The following ELOVL6 variants were observed in gnomAD, a reference collection of about 807,000 sequenced individuals.
The protein encoded by ELOVL6 is very long chain fatty acid elongase 6.
Under a neutral mutation model 31.7 loss-of-function variants are expected in ELOVL6, and 8 were observed. That is an observed-to-expected ratio of 0.25 (90% CI 0.15 to 0.45). The LOEUF is 0.45. Ranked by LOEUF, ELOVL6 falls within the 20% of genes least tolerant of loss-of-function variation. The probability of loss-of-function intolerance (pLI) is 1.00; values close to 1 mark genes in which losing one functional copy is unlikely to be tolerated. For synonymous variants in ELOVL6, 101 were observed against 117.7 expected (o/e 0.86, Z 0.92); for missense variants, 126 against 326.4 (o/e 0.39, Z 4.73).
At chr4:110,101,625 C>T (rs1186090709) in intron 2 of ELOVL6, among the ~76,000 whole-genome samples, 1 of 152,142 alleles carries the variant, frequency 6.6e-6, no homozygotes, top group African/African-American at 2.4e-5. Flanking sequence ...CCAGTCCACA[C>T]CAACCAACCT....
At chr4:110,098,965 C>T (rs995948157) in intron 2 of ELOVL6, among the ~76,000 whole-genome samples, 2 of 152,086 alleles carry the variant, frequency 1.3e-5, no homozygotes, top group Non-Finnish European at 2.9e-5. Flanking sequence ...AACTAAGACA[C>T]TTATGACGGT....
chr4:110,100,490 GT>G (rs140873672), intron 2 of ELOVL6, among the ~76,000 whole-genome samples: 3 of 151,030 alleles, frequency 2.0e-5, no homozygotes, highest in Non-Finnish European at 3.0e-5. Context: ...TCTTTTGTTT[GT>G]TTTTTTTTAA....
At chr4:110,172,334 G>A (rs781337101) in intron 1 of ELOVL6, among the ~76,000 whole-genome samples, 3 of 152,120 alleles carry the variant, frequency 2.0e-5, no homozygotes, top group Non-Finnish European at 4.4e-5. Flanking sequence ...TACAAAAGAC[G>A]TCTTTAACAG....
intron 2 of ELOVL6, among the ~76,000 whole-genome samples, chr4:110,088,962 C>T (rs577171940): frequency 3.8e-4 from 58 of 152,230 alleles, no homozygotes; most frequent in South Asian, 1.0e-3. Flanking sequence ...AAAGTAAAAT[C>T]GTGGGTAAGG....
intron 1 of ELOVL6, chr4:110,197,869 C>T: frequency 3.7e-6 from 1 of 268,204 alleles, no homozygotes; most frequent in Non-Finnish European, 7.2e-6. Flanking sequence ...AGAGGCCAAG[C>T]GAGAAAACCC....
intron 1 of ELOVL6, among the ~76,000 whole-genome samples, chr4:110,188,654 G>A (rs770395988): frequency 3.0e-4 from 45 of 152,078 alleles, no homozygotes; most frequent in African/African-American, 9.9e-4. Flanking sequence ...TTGGGAGGCC[G>A]AGGTGGGAGG....
rs571451334 is a variant in ELOVL6, at chr4:110,118,598, G to A, written c.90-12970C>T. On this transcript the variant is annotated intron_variant, in intron 1 of 3. Transcript: ENST00000302274. ...AATGATAGAATCTCTTTTTTAATGC[G>A]AAATAAAATTCCATTATATCACAAT... is the stretch of plus-strand genomic sequence containing the variant. Among the ~76,000 whole-genome samples, 8 of 152,054 alleles carry A rather than the reference G, an allele frequency of 5.3e-5. No individual in the cohort carries two copies. The South Asian group carries it at 1.0e-3, about 20-fold the overall frequency.
intron 2 of ELOVL6, among the ~76,000 whole-genome samples, chr4:110,077,373 T>A (rs1755673801): frequency 6.6e-6 from 1 of 152,074 alleles, no homozygotes. Context: ...CACAGCCGGG[T>A]GCTCCTCTGA....
At position 110,188,832 on chromosome 4, in the gene ELOVL6, G is replaced by A. The variant is rs150423329; in HGVS notation, c.89+9415C>T. ...CTTGAACCTGGGAGGCAGAGGTTGC[G>A]GTGAGTCGAGATCATGCCATTGCAC... On this transcript the variant is annotated intron_variant, in intron 1 of 3. Transcript: ENST00000302274. Among the ~76,000 whole-genome samples, 1,426 of 151,374 alleles carry A rather than the reference G, an allele frequency of 9.4e-3. 24 individuals carry two copies. The highest frequency in any genetic ancestry group is 0.032 in the African/African-American group (1,326 of 41,218).
At chr4:110,149,203 C>CA (rs1758214773) in intron 1 of ELOVL6, among the ~76,000 whole-genome samples, 3 of 152,124 alleles carry the variant, frequency 2.0e-5, no homozygotes, top group Non-Finnish European at 2.9e-5. Context: ...TTAGTACAAC[C>CA]TGTATGGAAA....
intron 1 of ELOVL6, among the ~76,000 whole-genome samples, chr4:110,163,518 G>C (rs530650153): frequency 8.5e-4 from 129 of 152,254 alleles, no homozygotes; most frequent in African/African-American, 2.9e-3. Context: ...TCATCAAACT[G>C]AGTCACTGAA....
intron 2 of ELOVL6, among the ~76,000 whole-genome samples, chr4:110,084,708 C>T (rs1393560757): frequency 6.7e-6 from 1 of 148,394 alleles, no homozygotes; most frequent in African/African-American, 2.5e-5. Context: ...AATTTTCCTG[C>T]CTCAGCCTCC....
intron 2 of ELOVL6, among the ~76,000 whole-genome samples, chr4:110,062,455 T>G (rs1216950061): frequency 2.0e-5 from 3 of 152,134 alleles, no homozygotes; most frequent in Non-Finnish European, 4.4e-5. Context: ...ATGGGATAAT[T>G]GTTATTTGTG....
chr4:110,094,886 C>A (rs779677238), intron 2 of ELOVL6, among the ~76,000 whole-genome samples: 1 of 152,088 alleles, frequency 6.6e-6, no homozygotes, highest in African/African-American at 2.4e-5. Flanking sequence ...GCAAAACTGG[C>A]AGGTGTGAGA....
chr4:110,091,680 C>G (rs903551795), intron 2 of ELOVL6, among the ~76,000 whole-genome samples: 7 of 152,148 alleles, frequency 4.6e-5, no homozygotes, highest in Admixed American at 6.5e-5. Flanking sequence ...AACACAAATA[C>G]CAGCTACATT....
intron 1 of ELOVL6, among the ~76,000 whole-genome samples, chr4:110,139,202 A>C (rs1452322271): frequency 2.0e-5 from 3 of 152,194 alleles, no homozygotes; most frequent in Non-Finnish European, 4.4e-5. Flanking sequence ...AAGCCTAATA[A>C]GAAGAAATTT....
In ELOVL6 at chr4:110,123,715, G is replaced by T. The variant is rs1016508330; in HGVS notation, c.90-18087C>A. ...ATGTATAAGGCAGGGAATAGCCAAG[G>T]CAAGAACTATCTTCAAAGGTAAAAT... On this transcript the variant is annotated intron_variant, in intron 1 of 3. Coordinates refer to ENST00000302274, the MANE Select transcript of ELOVL6 (RefSeq NM_024090.3). Among the ~76,000 whole-genome samples, 5 of 152,224 alleles carry T rather than the reference G, an allele frequency of 3.3e-5. No individual in the cohort carries two copies. In the East Asian group the frequency reaches 5.8e-4, roughly 18 times the overall value.
intron 1 of ELOVL6, among the ~76,000 whole-genome samples, chr4:110,144,090 AG>A (rs1381189535): frequency 6.7e-6 from 1 of 150,100 alleles, no homozygotes; most frequent in African/African-American, 2.5e-5. Context: ...AGGGGTCTTG[AG>A]AAAAATAAAA....
Position 110,124,330 on chromosome 4 carries a change from A to G in ELOVL6, c.90-18702T>C, listed in dbSNP as rs186527036. Among the ~76,000 whole-genome samples the G allele has an allele frequency of 5.3e-5, 8 of 152,346 alleles. No individual in the cohort carries two copies. The East Asian group carries it at 1.5e-3, about 29-fold the overall frequency. ...CAAATGCCCACTAATGATGGACTGG[A>G]CAAAGAAAATGTGGTATATATACAC... On this transcript the variant is annotated intron_variant, in intron 1 of 3. Coordinates refer to ENST00000302274, the MANE Select transcript of ELOVL6 (RefSeq NM_024090.3).
Sources: allele counts gnomAD v4.1 joint callset (sites outside exome capture counted in the v4.1 genomes callset), GRCh38; gene constraint gnomAD v4.1.1; transcripts MANE v1.5; gene names NCBI Gene and HGNC (gene_info 2026-07-23, HGNC 2026-07-21).